The following MTHFD2L variants were observed in gnomAD, a reference collection of about 807,000 sequenced individuals.
MTHFD2L encodes bifunctional methylenetetrahydrofolate dehydrogenase/cyclohydrolase 2, mitochondrial.
In MTHFD2L, 29 loss-of-function variants were observed where a neutral mutation model predicts 34.9. That is an observed-to-expected ratio of 0.83 (90% CI 0.62 to 1.13). The LOEUF (loss-of-function observed/expected upper bound fraction) is 1.13, where lower values mean the gene tolerates loss of function less well. Among genes scored for constraint, MTHFD2L ranks in the 50% most tolerant of loss-of-function variants. MTHFD2L has a pLI of 0.00. For synonymous variants in MTHFD2L, 167 were observed against 155.7 expected, an observed-to-expected ratio of 1.07 and a Z score of -0.54; for missense variants, 481 against 446.5, an observed-to-expected ratio of 1.08 and a Z score of -0.70.
At chr4:74,269,793 G>A (rs990209707) in intron 6 of MTHFD2L, among the ~76,000 whole-genome samples, 8 of 152,036 alleles carry the variant, frequency 5.3e-5, no homozygotes, top group Non-Finnish European at 8.8e-5. Context: ...TTAGGTCCAG[G>A]CGGAAGACTT....
intron 7 of MTHFD2L, among the ~76,000 whole-genome samples, chr4:74,291,032 T>TTTTTTTTTTTTTTTTTTTTA: frequency 1.0e-5 from 1 of 99,476 alleles, no homozygotes; most frequent in Non-Finnish European, 2.0e-5. Context: ...TTTTTTTTTT[T>TTTTTTTTTTTTTTTTTTTTA]TTTGAGATGG....
intron 1 of MTHFD2L, among the ~76,000 whole-genome samples, chr4:74,127,083 GATTGTA>G (rs534743017): frequency 0.011 from 1,665 of 152,272 alleles, 28 homozygotes; most frequent in African/African-American, 0.038. Context: ...ATTCTGCCAT[GATTGTA>G]AGTTTCCTGA....
intron 6 of MTHFD2L, among the ~76,000 whole-genome samples, chr4:74,275,393 G>A (rs1010858361): frequency 6.6e-5 from 10 of 152,026 alleles, no homozygotes; most frequent in Non-Finnish European, 8.8e-5. Context: ...TGTAAATAGC[G>A]CTGCGATAAA....
chr4:74,248,349 C>T (rs189120798), intron 6 of MTHFD2L, among the ~76,000 whole-genome samples: 1,766 of 152,182 alleles, frequency 0.012, 42 homozygotes, highest in African/African-American at 0.04. Context: ...TTTTTTATTG[C>T]GTCTATTTGA....
chr4:74,248,177 A>G, intron 6 of MTHFD2L, among the ~76,000 whole-genome samples: 1 of 151,850 alleles, frequency 6.6e-6, no homozygotes, highest in Non-Finnish European at 1.5e-5. Flanking sequence ...TGGTCTATTC[A>G]GAGATTCAAC....
Position 74,158,134 on chromosome 4 carries a change from C to T in MTHFD2L, c.-5C>T, listed in dbSNP as rs1464048642. The T allele has an allele frequency of 3.9e-6, 6 of 1,529,874 alleles. No homozygotes were observed. Among genetic ancestry groups the T allele is most frequent in the Admixed American group, 2.0e-5 (1 of 49,846 alleles). The allele number at this position is 1,529,874 out of a possible 1,614,324, so 94.8% of individuals were successfully genotyped here. On this transcript the variant is annotated 5_prime_UTR_variant, in exon 1 of 8. Transcript: ENST00000325278. ...CCCCAGTCCGGAAGCCGGGGATCCG[C>T]GGCCATGACGGTGCCGGTCCGCGGC...
intron 1 of MTHFD2L, among the ~76,000 whole-genome samples, chr4:74,152,536 C>A (rs1489445129): frequency 1.3e-5 from 2 of 151,566 alleles, no homozygotes; most frequent in African/African-American, 4.9e-5. Context: ...ACTTTAAGTT[C>A]TGGGATACAT....
upstream of MTHFD2L, chr4:74,157,684 G>A (rs1460701182): frequency 1.1e-5 from 5 of 457,608 alleles, no homozygotes; most frequent in Non-Finnish European, 2.2e-5. Context: ...CAAAGGAAGT[G>A]GGAAACAATG....
In MTHFD2L at chr4:74,158,223, G is replaced by T; in HGVS notation, c.85G>T (p.Val29Leu). ...GTTGGGCAGAAGCACAGCACCCTCC[G>T]TAAGGGCACCGGGAGAGCCCGGGAG... ...PALGRSTAPSVRAPGEPGSAF... is the reference protein window; with the variant it reads ...PALGRSTAPSLRAPGEPGSAF... Residue 29 changes from valine (V) to leucine (L), a missense_variant, in exon 1 of 8, where the codon GTA becomes TTA. Val to Leu is a conservative substitution (Grantham distance 32). Transcript: ENST00000325278. The T allele has an allele frequency of 6.0e-6, 9 of 1,508,056 alleles. No homozygotes were observed. Among genetic ancestry groups the T allele is most frequent in the Non-Finnish European group, 8.0e-6 (9 of 1,128,908 alleles). 93.4% of individuals were successfully genotyped at this position (1,508,056 alleles called of 1,614,324 possible). A position where few individuals can be genotyped will look rare whatever the true frequency, so the allele number is the denominator to read the frequency against.
intron 1 of MTHFD2L, among the ~76,000 whole-genome samples, chr4:74,131,207 C>G (rs1722469713): frequency 6.6e-6 from 1 of 152,172 alleles, no homozygotes; most frequent in Non-Finnish European, 1.5e-5. Flanking sequence ...CTACCATTGA[C>G]TTTCTTCACA....
intron 3 of MTHFD2L, among the ~76,000 whole-genome samples, chr4:74,192,206 G>A (rs1298096378): frequency 6.6e-6 from 1 of 152,092 alleles, no homozygotes; most frequent in African/African-American, 2.4e-5. Context: ...GATCATGGTA[G>A]GAGGGATAGG....
In MTHFD2L at chr4:74,225,354, G is replaced by C; in HGVS notation, c.765G>C (p.Lys255Asn). The change falls in exon 6 of 8, where the codon AAG becomes AAC. Residue 255 changes from lysine to asparagine, a missense_variant. Lys to Asn is a moderately conservative substitution (Grantham distance 94). Transcript: ENST00000325278. Reference protein sequence around the residue: ...AHRYTPKEQLKIHTQLADIII... With the variant: ...AHRYTPKEQLNIHTQLADIII... ...GATACACCCCCAAAGAGCAACTGAA[G>C]ATTCATACGCAGCTGGCAGATATTA... is the stretch of plus-strand genomic sequence containing the variant. 3.1e-6 allele frequency: 5 copies of C among 1,613,194 alleles called. No homozygotes were observed. The highest frequency in any genetic ancestry group is 3.4e-6 in the Non-Finnish European group (4 of 1,179,372).
intron 1 of MTHFD2L, among the ~76,000 whole-genome samples, chr4:74,167,496 T>A (rs912094631): frequency 1.3e-5 from 2 of 152,080 alleles, no homozygotes; most frequent in African/African-American, 4.8e-5. Context: ...AACTAGACAA[T>A]ATCAGTGATT....
At chr4:74,223,226 G>A (rs1208434643) in intron 5 of MTHFD2L, among the ~76,000 whole-genome samples, 2 of 151,592 alleles carry the variant, frequency 1.3e-5, no homozygotes, top group Admixed American at 6.6e-5. Flanking sequence ...GTGTGTGTGT[G>A]TATATATACA....
At chr4:74,233,874 A>G (rs1240987543) in intron 6 of MTHFD2L, among the ~76,000 whole-genome samples, 1 of 151,818 alleles carries the variant, frequency 6.6e-6, no homozygotes, top group Non-Finnish European at 1.5e-5. Context: ...TTTTCAATCT[A>G]TGGTATTAGT....
chr4:74,162,008 G>T (rs1482658183), intron 1 of MTHFD2L: 1 of 152,192 alleles, frequency 6.6e-6, no homozygotes, highest in Non-Finnish European at 1.5e-5. Flanking sequence ...TTGCTATTAA[G>T]AAATTCACTT....
intron 6 of MTHFD2L, among the ~76,000 whole-genome samples, chr4:74,234,017 A>G (rs926048675): frequency 6.6e-6 from 1 of 152,070 alleles, no homozygotes; most frequent in Admixed American, 6.6e-5. Flanking sequence ...GTAAAGAACA[A>G]TTTATATCAA....
At chr4:74,166,542 T>C (rs915010189) in intron 1 of MTHFD2L, among the ~76,000 whole-genome samples, 4 of 152,252 alleles carry the variant, frequency 2.6e-5, no homozygotes, top group African/African-American at 7.2e-5. Context: ...CTAAAAACTT[T>C]AAATCTGAAG....
chr4:74,147,669 C>T (rs899265364), intron 1 of MTHFD2L, among the ~76,000 whole-genome samples: 4 of 152,242 alleles, frequency 2.6e-5, no homozygotes, highest in African/African-American at 9.6e-5. Context: ...CCACATCCTC[C>T]CAACACTTGT....
Sources: allele counts gnomAD v4.1 joint callset (sites outside exome capture counted in the v4.1 genomes callset), GRCh38; gene constraint gnomAD v4.1.1; transcripts MANE v1.5; gene names NCBI Gene and HGNC (gene_info 2026-07-23, HGNC 2026-07-21).